LARGE1: variants seen among roughly 807,000 people sequenced by gnomAD.
LARGE1 encodes the protein LARGE xylosyl- and glucuronyltransferase 1, also known as xylosyl- and glucuronyltransferase LARGE1.
A neutral mutation model predicts 87.6 loss-of-function variants in LARGE1; 43 were observed. That is an observed-to-expected ratio of 0.49 (90% CI 0.38 to 0.63). The LOEUF (loss-of-function observed/expected upper bound fraction) is 0.63, where lower values mean the gene tolerates loss of function less well. Among genes scored for constraint, LARGE1 ranks in the 30% least tolerant of loss-of-function variants. LARGE1 has a pLI of 0.00. For missense variants in LARGE1, 802 were observed against 1,000.2 expected, an observed-to-expected ratio of 0.80 and a Z score of 2.67; for synonymous variants, 434 against 394.6, an observed-to-expected ratio of 1.10 and a Z score of -1.18.
At chr22:33,757,438 T>A (rs1477807568) in intron 2 of LARGE1, among the ~76,000 whole-genome samples, 1 of 152,128 alleles carries the variant, frequency 6.6e-6, no homozygotes, top group East Asian at 1.9e-4. Flanking sequence ...TCATTTCACG[T>A]CGGAAGAAAC....
chr22:33,162,383 C>A (rs1334847497), exon 12 of LARGE1: 1 of 152,138 alleles, frequency 6.6e-6, no homozygotes, highest in Non-Finnish European at 1.5e-5. Context: ...ACCATCAGAT[C>A]TCATGAGAAC....
chr22:33,067,977 CAA>C, the LARGE1 span, among the ~76,000 whole-genome samples: 1 of 136,478 alleles, frequency 7.3e-6, no homozygotes. Context: ...GAGACTGTCT[CAA>C]AAAAAAAAAA....
chr22:33,148,707 G>C, the LARGE1 span, among the ~76,000 whole-genome samples: 1 of 152,060 alleles, frequency 6.6e-6, no homozygotes, highest in African/African-American at 2.4e-5. Flanking sequence ...AGCAATATTT[G>C]AGAGTTCCAG....
chr22:33,347,211 G>A (rs1423071046), intron 9 of LARGE1, among the ~76,000 whole-genome samples: 1 of 152,200 alleles, frequency 6.6e-6, no homozygotes, highest in Non-Finnish European at 1.5e-5. Flanking sequence ...TGCTCTACAG[G>A]CTCTTGCAGG....
In LARGE1 at chr22:33,653,920, G is replaced by A. The variant is rs981328492; in HGVS notation, c.107-3252C>T. Among the ~76,000 whole-genome samples, 177 of 152,138 alleles carry A rather than the reference G, an allele frequency of 1.2e-3. 1 individual carries two copies. Among genetic ancestry groups the A allele is most frequent in the African/African-American group, 4.2e-3 (173 of 41,434 alleles). ...CATGGTTAATCCGTAAGAACATGGA[G>A]GAGCAAGCAAGCAGGCTTCACCAAA... is the stretch of plus-strand genomic sequence containing the variant. On this transcript the variant is annotated intron_variant, in intron 2 of 14. Coordinates refer to ENST00000397394, the MANE Select transcript of LARGE1 (RefSeq NM_133642.5).
intron 1 of LARGE1, among the ~76,000 whole-genome samples, chr22:33,780,628 T>C (rs889119640): frequency 6.6e-6 from 1 of 152,210 alleles, no homozygotes; most frequent in African/African-American, 2.4e-5. Flanking sequence ...CAAATTAAAA[T>C]AACTGTGGGT....
chr22:33,278,222 CA>C (rs1294405593), intron 13 of LARGE1, among the ~76,000 whole-genome samples: 3 of 152,228 alleles, frequency 2.0e-5, no homozygotes, highest in East Asian at 3.9e-4. Context: ...AGTCCCTGGC[CA>C]AAAGCCAGCA....
chr22:33,479,379 T>C (rs16992419), intron 6 of LARGE1, among the ~76,000 whole-genome samples: 1,692 of 152,088 alleles, frequency 0.011, 41 homozygotes, highest in East Asian at 0.055. Flanking sequence ...GGATGGACTA[T>C]TGGATGAACA....
chr22:33,168,576 T>C (rs765543370), intron 11 of LARGE1, among the ~76,000 whole-genome samples: 1 of 135,214 alleles, frequency 7.4e-6, no homozygotes, highest in Non-Finnish European at 1.7e-5. Flanking sequence ...ACATAAAGCA[T>C]GAAATGCTAA....
chr22:33,459,241 C>T (rs952206228), intron 6 of LARGE1, among the ~76,000 whole-genome samples: 1 of 152,040 alleles, frequency 6.6e-6, no homozygotes, highest in Non-Finnish European at 1.5e-5. Flanking sequence ...AACTGAAGCT[C>T]AGAGGCAGTG....
intron 2 of LARGE1, among the ~76,000 whole-genome samples, chr22:33,690,643 T>G (rs1173958500): frequency 5.1e-5 from 7 of 137,198 alleles, no homozygotes; most frequent in East Asian, 2.2e-4. Flanking sequence ...GCAGACAGAG[T>G]GAGAAGGCAA....
the LARGE1 span, among the ~76,000 whole-genome samples, chr22:33,091,880 T>C: frequency 2.6e-5 from 4 of 152,130 alleles, no homozygotes; most frequent in African/African-American, 9.7e-5. Flanking sequence ...GTCTTCATGT[T>C]CTTCTTCTTC....
At position 33,728,526 on chromosome 22, in the gene LARGE1, G is replaced by A. The variant is rs926544229; in HGVS notation, c.106+32845C>T. On this transcript the variant is annotated intron_variant, in intron 2 of 14. Coordinates refer to ENST00000397394, the MANE Select transcript of LARGE1 (RefSeq NM_133642.5). ...TGCACTACAGCCTGGGCAACAAAGC[G>A]AGACTCCGTCTCCACCCCTACCACC... is the stretch of plus-strand genomic sequence containing the variant. 4.1e-5 allele frequency among the ~76,000 whole-genome samples: 5 copies of A among 122,528 alleles called. No homozygotes were observed. The Admixed American group carries it at 4.6e-4, about 11-fold the overall frequency. 80.4% of individuals were successfully genotyped at this position (122,528 alleles called of 152,430 possible).
chr22:33,369,990 AC>A (rs2064748998), intron 9 of LARGE1, among the ~76,000 whole-genome samples: 1 of 152,204 alleles, frequency 6.6e-6, no homozygotes, highest in African/African-American at 2.4e-5. Context: ...ACATATTACA[AC>A]AGCTCCAAAG....
At chr22:33,751,900 T>C (rs1332262035) in intron 2 of LARGE1, among the ~76,000 whole-genome samples, 2 of 152,004 alleles carry the variant, frequency 1.3e-5, no homozygotes, top group Non-Finnish European at 2.9e-5. Flanking sequence ...CCCTAGTAGG[T>C]GGGGCTACAA....
intron 2 of LARGE1, among the ~76,000 whole-genome samples, chr22:33,652,987 T>C (rs572067647): frequency 1.1e-4 from 16 of 152,320 alleles, no homozygotes; most frequent in South Asian, 8.3e-4. Flanking sequence ...TAGGGTTGCA[T>C]TGTCACCGAC....
intron 11 of LARGE1, among the ~76,000 whole-genome samples, chr22:33,189,745 G>A (rs1923679007): frequency 6.6e-6 from 1 of 152,158 alleles, no homozygotes; most frequent in Admixed American, 6.6e-5. Flanking sequence ...GGTCAGCTGG[G>A]AAGAGAGGGC....
intron 1 of LARGE1, among the ~76,000 whole-genome samples, chr22:33,796,413 G>C (rs561266618): frequency 1.3e-5 from 2 of 152,160 alleles, no homozygotes; most frequent in Non-Finnish European, 1.5e-5. Flanking sequence ...CTTCTGACTG[G>C]GAGGACACCA....
intron 7 of LARGE1, among the ~76,000 whole-genome samples, chr22:33,397,146 G>A (rs1041938622): frequency 5.3e-5 from 8 of 151,264 alleles, no homozygotes; most frequent in Admixed American, 2.0e-4. Context: ...ATGGAGTTTC[G>A]CTCTTGTTGC....
Sources: allele counts gnomAD v4.1 joint callset (sites outside exome capture counted in the v4.1 genomes callset), GRCh38; gene constraint gnomAD v4.1.1; transcripts MANE v1.5; gene names NCBI Gene and HGNC (gene_info 2026-07-23, HGNC 2026-07-21).